Variants in FOXN3 observed in about 807,000 individuals in gnomAD.
FOXN3 encodes forkhead box N3.
Under a neutral mutation model 38.4 loss-of-function variants are expected in FOXN3, and 7 were observed. That is an observed-to-expected ratio of 0.18 (90% CI 0.10 to 0.34). The LOEUF (loss-of-function observed/expected upper bound fraction) is 0.34. Ranked by LOEUF, FOXN3 falls within the 10% of genes least tolerant of loss-of-function variation. FOXN3 has a pLI of 1.00. For synonymous variants in FOXN3, 230 were observed against 242.2 expected (o/e 0.95, Z 0.47); for missense variants, 456 against 613.4 (o/e 0.74, Z 2.71).
chr14:89,341,866 T>TC (rs1426635966), intron 3 of FOXN3, among the ~76,000 whole-genome samples: 1 of 152,020 alleles, frequency 6.6e-6, no homozygotes, highest in Non-Finnish European at 1.5e-5. Context: ...TGCAGACACT[T>TC]CCCCCTCTAA....
chr14:89,231,955 T>C (rs1596119334), intron 4 of FOXN3, among the ~76,000 whole-genome samples: 1 of 152,282 alleles, frequency 6.6e-6, no homozygotes, highest in East Asian at 1.9e-4. Context: ...GAGGCTCCAA[T>C]GGTGCCAGCA....
At chr14:89,505,718 G>A (rs1378752496) in intron 1 of FOXN3, among the ~76,000 whole-genome samples, 1 of 151,870 alleles carries the variant, frequency 6.6e-6, no homozygotes, top group Non-Finnish European at 1.5e-5. Flanking sequence ...AGTGAGGAGC[G>A]TCTCTGCCTG....
intron 2 of FOXN3, among the ~76,000 whole-genome samples, chr14:89,394,846 GC>G (rs1208719392): frequency 6.6e-6 from 1 of 152,324 alleles, no homozygotes; most frequent in East Asian, 1.9e-4. Context: ...AACCTAGTAG[GC>G]CCCAGGGATA....
chr14:89,386,977 C>A (rs1388761442), intron 2 of FOXN3, among the ~76,000 whole-genome samples: 3 of 152,142 alleles, frequency 2.0e-5, no homozygotes, highest in Non-Finnish European at 4.4e-5. Flanking sequence ...TTGGGGGGTG[C>A]CAGGCATGGT....
chr14:89,414,830 C>G (rs1216784526), intron 1 of FOXN3, among the ~76,000 whole-genome samples: 2 of 152,122 alleles, frequency 1.3e-5, no homozygotes, highest in Admixed American at 1.3e-4. Context: ...GGATTACAGG[C>G]GTGAGCCACC....
At chr14:89,234,248 G>C (rs1001132605) in intron 4 of FOXN3, among the ~76,000 whole-genome samples, 4 of 152,210 alleles carry the variant, frequency 2.6e-5, no homozygotes, top group African/African-American at 9.6e-5. Flanking sequence ...CAAAACAACA[G>C]AACTTTAATG....
intron 4 of FOXN3, among the ~76,000 whole-genome samples, chr14:89,277,898 C>G (rs570312515): frequency 1.3e-5 from 2 of 152,290 alleles, no homozygotes; most frequent in African/African-American, 4.8e-5. Flanking sequence ...AAGCTAAGTT[C>G]TCTGGTTATT....
chr14:89,413,876 A>C (rs1280096910), intron 1 of FOXN3, among the ~76,000 whole-genome samples: 2 of 131,212 alleles, frequency 1.5e-5, no homozygotes, highest in African/African-American at 5.6e-5. Context: ...AAGAGAAGGG[A>C]AGGGCAGGGA....
rs1291183274 is a variant in FOXN3 at position 89,290,535 on chromosome 14, T to C, written c.681-9521A>G. ...TTTCCCTTTCATCGGGAGAGCTGATTTTTCACAATTGAAAATGTAAGCCAC... is the reference window on the plus strand; with the variant it reads ...TTTCCCTTTCATCGGGAGAGCTGATCTTTCACAATTGAAAATGTAAGCCAC... On this transcript the variant is annotated intron_variant, in intron 3 of 5. Coordinates refer to ENST00000557258, the MANE Select transcript of FOXN3 (RefSeq NM_005197.4). 9 of 541,820 alleles carry C rather than the reference T, an allele frequency of 1.7e-5. No homozygotes were observed. The African/African-American group carries it at 1.7e-4, about 11-fold the overall frequency. The allele number at this position is 541,820 out of a possible 1,614,324, so 33.6% of individuals were successfully genotyped here. A position where few individuals can be genotyped will look rare whatever the true frequency, so the allele number is the denominator to read the frequency against.
At chr14:89,478,864 G>A (rs928524746) in intron 1 of FOXN3, among the ~76,000 whole-genome samples, 5 of 138,226 alleles carry the variant, frequency 3.6e-5, no homozygotes, top group African/African-American at 8.0e-5. Context: ...CCCAGGAGGC[G>A]GAGGTTGCAG....
chr14:89,383,678 C>G (rs1306716314), intron 2 of FOXN3, among the ~76,000 whole-genome samples: 4 of 152,174 alleles, frequency 2.6e-5, no homozygotes, highest in African/African-American at 7.2e-5. Flanking sequence ...TTCCTTTCCT[C>G]TCCTCTCCTC....
chr14:89,603,512 T>C (rs914717029), intron 1 of FOXN3, among the ~76,000 whole-genome samples: 2 of 152,204 alleles, frequency 1.3e-5, no homozygotes, highest in Admixed American at 1.3e-4. Flanking sequence ...TCTGCACATA[T>C]GATCTGTACC....
intron 1 of FOXN3, among the ~76,000 whole-genome samples, chr14:89,570,598 C>A (rs1168081014): frequency 6.6e-6 from 1 of 152,118 alleles, no homozygotes; most frequent in Admixed American, 6.5e-5. Flanking sequence ...CCACGGCCTG[C>A]CAATGGCATG....
intron 4 of FOXN3, among the ~76,000 whole-genome samples, chr14:89,215,347 ATT>A (rs10640376): frequency 6.7e-6 from 1 of 148,846 alleles, no homozygotes. Flanking sequence ...GAGAATAGAG[ATT>A]TTTTTTTTTT....
chr14:89,225,610 A>G (rs1035765657), intron 4 of FOXN3, among the ~76,000 whole-genome samples: 2 of 152,176 alleles, frequency 1.3e-5, no homozygotes, highest in Non-Finnish European at 2.9e-5. Flanking sequence ...TCTCAAAAAA[A>G]ATAAAAATAA....
intron 1 of FOXN3, among the ~76,000 whole-genome samples, chr14:89,585,332 C>G (rs1895821279): frequency 6.6e-6 from 1 of 152,158 alleles, no homozygotes; most frequent in Admixed American, 6.6e-5. Context: ...ATCCAAGCTG[C>G]CAGAAATGTC....
chr14:89,511,217 TTC>T (rs1197698051), intron 1 of FOXN3, among the ~76,000 whole-genome samples: 8 of 14,586 alleles, frequency 5.5e-4, no homozygotes, highest in African/African-American at 6.8e-4. Flanking sequence ...CTTTCTTTCT[TTC>T]TTTCTTTCTT....
At chr14:89,280,920 G>A (rs370611977) in intron 4 of FOXN3, 30 bp downstream of exon 4, 16 of 1,589,536 alleles carry the variant, frequency 1.0e-5, no homozygotes, top group Admixed American at 1.7e-5. Flanking sequence ...TGAGGGGGAG[G>A]GAGAGGAAGG....
chr14:89,283,630 G>A (rs995273500), intron 3 of FOXN3, among the ~76,000 whole-genome samples: 1 of 152,046 alleles, frequency 6.6e-6, no homozygotes, highest in African/African-American at 2.4e-5. Context: ...TGGGAGTGGC[G>A]GGTGAAGGGG....
Sources: gnomAD v4.1 joint callset for allele counts (sites outside exome capture counted in the v4.1 genomes callset) on GRCh38, gnomAD v4.1.1 for gene constraint, MANE v1.5 for transcripts, NCBI Gene and HGNC (gene_info 2026-07-23, HGNC 2026-07-21) for gene names.